Variants in FBXW11 observed in about 807,000 individuals in gnomAD.
The protein encoded by FBXW11 is F-box and WD repeat domain containing 11.
FBXW11 carries 19 observed loss-of-function variants against 77.6 expected under a neutral mutation model. That is an observed-to-expected ratio of 0.24 (90% CI 0.17 to 0.36). The LOEUF (loss-of-function observed/expected upper bound fraction) is 0.36, where lower values mean the gene tolerates loss of function less well. FBXW11 is among the 10% of genes least tolerant of loss of function. The probability of loss-of-function intolerance (pLI) is 1.00; values close to 1 mark genes in which losing one functional copy is unlikely to be tolerated. For missense variants in FBXW11, 334 were observed against 704.2 expected, an observed-to-expected ratio of 0.47 and a Z score of 5.95; for synonymous variants, 235 against 249.4, an observed-to-expected ratio of 0.94 and a Z score of 0.54.
At chr5:171,898,745 A>G (rs886969580) in intron 6 of FBXW11, among the ~76,000 whole-genome samples, 6 of 152,194 alleles carry the variant, frequency 3.9e-5, no homozygotes, top group African/African-American at 1.4e-4. Flanking sequence ...ATGATTTTAG[A>G]TTAAGGTTTG....
At chr5:171,999,427 A>G (rs1383817225) in intron 1 of FBXW11, among the ~76,000 whole-genome samples, 3 of 151,840 alleles carry the variant, frequency 2.0e-5, no homozygotes, top group Non-Finnish European at 2.9e-5. Flanking sequence ...ACACACATAT[A>G]TATTTCTTCA....
At position 171,917,761 on chromosome 5, in the gene FBXW11, TCA is replaced by T. The variant is rs1162296313; in HGVS notation, c.148-3358_148-3357del. 1.8e-4 allele frequency among the ~76,000 whole-genome samples: 21 copies of T among 115,558 alleles called. No homozygotes were observed. The South Asian group carries it at 2.6e-3, about 14-fold the overall frequency. The allele number at this position is 115,558 out of a possible 152,430, so 75.8% of individuals were successfully genotyped here. A position where few individuals can be genotyped will look rare whatever the true frequency, so the allele number is the denominator to read the frequency against. Reference sequence around the variant, plus strand: ...CTATACACATCCTTGCACTCTAGACTCACTCTGTGTGTGTGTGTGTGTGTGTG... The same window carrying T: ...CTATACACATCCTTGCACTCTAGACTCTCTGTGTGTGTGTGTGTGTGTGTG... On this transcript the variant is annotated intron_variant, in intron 2 of 13. Transcript: ENST00000517395.
At chr5:171,909,645 T>C (rs943158458) in intron 4 of FBXW11, among the ~76,000 whole-genome samples, 16 of 152,184 alleles carry the variant, frequency 1.1e-4, no homozygotes, top group African/African-American at 2.7e-4. Flanking sequence ...GCTCTAAAAA[T>C]ATAAAGTCTA....
At chr5:171,871,486 G>A (rs914152744) in intron 10 of FBXW11, among the ~76,000 whole-genome samples, 1 of 152,130 alleles carries the variant, frequency 6.6e-6, no homozygotes, top group Admixed American at 6.5e-5. Context: ...TGGGATTGAC[G>A]GTTTACAAAG....
At position 171,949,234 on chromosome 5, in the gene FBXW11, T is replaced by G. The variant is rs187575752; in HGVS notation, c.147+8363A>C. On this transcript the variant is annotated intron_variant, in intron 2 of 13. Coordinates refer to ENST00000517395, the MANE Select transcript of FBXW11 (RefSeq NM_001378974.1). ...ATAATAATAGGAAGGTGAAGAAGAATAAAAGCTTGAAGAAGGCTTCGGTGA... is the reference window on the plus strand; with the variant it reads ...ATAATAATAGGAAGGTGAAGAAGAAGAAAAGCTTGAAGAAGGCTTCGGTGA... Among the ~76,000 whole-genome samples the G allele has an allele frequency of 5.9e-5, 9 of 152,232 alleles. No homozygotes were observed. The East Asian group carries it at 1.3e-3, about 23-fold the overall frequency.
rs1760367673 is a variant in FBXW11 at position 171,904,804 on chromosome 5, TC to T, written c.437-4705del. On this transcript the variant is annotated intron_variant, in intron 4 of 13. Coordinates refer to ENST00000517395, the MANE Select transcript of FBXW11 (RefSeq NM_001378974.1). This position sits in a 1 kb window ranked among gnomAD's most constrained non-coding sequence, Gnocchi z 4.0. Reference sequence around the variant, plus strand: ...CCAGGATGGTCTTGATCTCTTGACCTCATGATCCACCCAACTCGGCCTCCCA... The same window carrying T: ...CCAGGATGGTCTTGATCTCTTGACCTATGATCCACCCAACTCGGCCTCCCA... 6.6e-6 allele frequency among the ~76,000 whole-genome samples: 1 copy of T among 152,072 alleles called. No homozygotes were observed. The highest frequency in any genetic ancestry group is 6.5e-5 in the Admixed American group (1 of 15,268).
At position 171,862,207 on chromosome 5, in the gene FBXW11, T is replaced by C. The variant is rs1757134449; in HGVS notation, c.*1920A>G. 6.6e-6 allele frequency: 1 copy of C among 152,530 alleles called. No homozygotes were observed. The highest frequency in any genetic ancestry group is 1.5e-5 in the Non-Finnish European group (1 of 68,046). The allele number at this position is 152,530 out of a possible 1,614,324, so 9.4% of individuals were successfully genotyped here. ...AAAAGTGGTCAAAGCTAAATCACTTTCACAACCACCATCAAGCTTACAACA... is the reference window on the plus strand; with the variant it reads ...AAAAGTGGTCAAAGCTAAATCACTTCCACAACCACCATCAAGCTTACAACA... On this transcript the variant is annotated 3_prime_UTR_variant, in exon 14 of 14. Transcript: ENST00000517395.
intron 4 of FBXW11, among the ~76,000 whole-genome samples, chr5:171,907,118 T>C (rs1273240269): frequency 6.6e-6 from 1 of 152,234 alleles, no homozygotes; most frequent in Non-Finnish European, 1.5e-5. Context: ...GAAATTGACA[T>C]TGCAGACTAA....
At chr5:171,903,283 G>A (rs987545136) in intron 4 of FBXW11, among the ~76,000 whole-genome samples, 8 of 152,072 alleles carry the variant, frequency 5.3e-5, no homozygotes, top group Non-Finnish European at 1.2e-4. Context: ...ATCATTTGTA[G>A]AGATGAGGTC....
intron 7 of FBXW11, among the ~76,000 whole-genome samples, chr5:171,890,236 G>A (rs1759244889): frequency 6.6e-6 from 1 of 152,048 alleles, no homozygotes; most frequent in African/African-American, 2.4e-5. Context: ...CAGAACAAAA[G>A]CAACTCTCAG....
At chr5:171,929,948 T>C (rs1378429879) in intron 2 of FBXW11, among the ~76,000 whole-genome samples, 1 of 152,128 alleles carries the variant, frequency 6.6e-6, no homozygotes. Context: ...TGAAGCTACG[T>C]AAAGCTCAAG....
intron 2 of FBXW11, among the ~76,000 whole-genome samples, chr5:171,927,019 C>CA (rs937568149): frequency 1.9e-4 from 29 of 149,674 alleles, no homozygotes; most frequent in African/African-American, 3.4e-4. Context: ...CAAAGAAATA[C>CA]AAAAAAAAAT....
At chr5:171,901,375 C>A (rs1013385159) in intron 4 of FBXW11, among the ~76,000 whole-genome samples, 1 of 152,128 alleles carries the variant, frequency 6.6e-6, no homozygotes, top group African/African-American at 2.4e-5. Context: ...TATAAGATTA[C>A]GATAATCTCT....
chr5:171,873,376 G>A (rs1167663256), intron 9 of FBXW11, among the ~76,000 whole-genome samples: 1 of 152,208 alleles, frequency 6.6e-6, no homozygotes, highest in Non-Finnish European at 1.5e-5. Context: ...GCTGGGTACG[G>A]TAGCTCACAC....
chr5:171,883,492 C>T (rs1758662675), intron 7 of FBXW11, among the ~76,000 whole-genome samples: 1 of 151,976 alleles, frequency 6.6e-6, no homozygotes. Context: ...CAAACCTGCA[C>T]GTTGAGCACA....
chr5:171,934,340 T>C (rs1184183812), intron 2 of FBXW11, among the ~76,000 whole-genome samples: 15 of 152,034 alleles, frequency 9.9e-5, no homozygotes, highest in Non-Finnish European at 2.2e-4. Flanking sequence ...CAAGAATACA[T>C]TAAAATACCC....
intron 2 of FBXW11, among the ~76,000 whole-genome samples, chr5:171,954,816 C>T (rs974073879): frequency 6.6e-6 from 1 of 151,976 alleles, no homozygotes; most frequent in African/African-American, 2.4e-5. Flanking sequence ...ATATTAATAA[C>T]TAAACAAACC....
intron 1 of FBXW11, among the ~76,000 whole-genome samples, chr5:171,998,538 T>A (rs1766210392): frequency 6.6e-6 from 1 of 151,646 alleles, no homozygotes; most frequent in Non-Finnish European, 1.5e-5. Context: ...GGCTCACACC[T>A]GTAGTCCCAA....
Position 171,893,421 on chromosome 5 carries a change from C to CAAAAAAAAAAAACAAA in FBXW11, c.715-1818_715-1817insTTTGTTTTTTTTTTTT, listed in dbSNP as rs757678376. 7.5e-5 allele frequency among the ~76,000 whole-genome samples: 3 copies of CAAAAAAAAAAAACAAA among 39,854 alleles called. 1 individual carries two copies. Among genetic ancestry groups the CAAAAAAAAAAAACAAA allele is most frequent in the Non-Finnish European group, 8.9e-5 (2 of 22,468 alleles). 26.1% of individuals were successfully genotyped at this position (39,854 alleles called of 152,430 possible). On this transcript the variant is annotated intron_variant, in intron 6 of 13. Coordinates refer to ENST00000517395, the MANE Select transcript of FBXW11 (RefSeq NM_001378974.1). ...GACATACAAAAGCACACTTCAAAAC[C>CAAAAAAAAAAAACAAA]AAAAAAAAAAAAAAAAAAAAAAAAA...
Sources: allele counts gnomAD v4.1 joint callset (sites outside exome capture counted in the v4.1 genomes callset), GRCh38; gene constraint gnomAD v4.1.1; non-coding constraint Gnocchi (gnomAD v3.1); transcripts MANE v1.5; gene names NCBI Gene and HGNC (gene_info 2026-07-23, HGNC 2026-07-21).